The following TRABD variants were observed in gnomAD, a reference collection of about 807,000 sequenced individuals.
The protein encoded by TRABD is traB domain-containing protein.
In TRABD, 23 loss-of-function variants were observed where a neutral mutation model predicts 39.6. That is an observed-to-expected ratio of 0.58 (90% CI 0.42 to 0.82). The LOEUF is 0.82. Among genes scored for constraint, TRABD ranks in the 40% least tolerant of loss-of-function variants. The probability of loss-of-function intolerance (pLI) is 0.00; values close to 1 mark genes in which losing one functional copy is unlikely to be tolerated. For missense variants in TRABD, 487 were observed against 544.9 expected, an observed-to-expected ratio of 0.89 and a Z score of 1.06; for synonymous variants, 243 against 232.1, an observed-to-expected ratio of 1.05 and a Z score of -0.43.
chr22:50,197,150 G>C (rs1252716794), intron 5 of TRABD, 91 bp from the exon 6 acceptor site: 1 of 1,308,366 alleles, frequency 7.6e-7, no homozygotes, highest in South Asian at 1.3e-5. Flanking sequence ...AGGGCTCTGC[G>C]CTGGTGCTGC....
chr22:50,190,022 A>G (rs4838812), intron 1 of TRABD, among the ~76,000 whole-genome samples: 121,331 of 152,284 alleles, frequency 0.8, 49,173 homozygotes, highest in African/African-American at 0.94. Context: ...CTGGGAGCAG[A>G]CTAGAGGGAG....
At position 50,199,170 on chromosome 22, in the gene TRABD, G is replaced by T. The variant is rs774711956; in HGVS notation, c.*651G>T. On this transcript the variant is annotated 3_prime_UTR_variant, in exon 10 of 10. Coordinates refer to ENST00000380909, the MANE Select transcript of TRABD (RefSeq NM_001320485.2). ...CACCAGCCTTAAATCCAAAGGGAGA[G>T]AATTCGTGTTCTTGGGTCTGTCCCG... is the stretch of plus-strand genomic sequence containing the variant. The T allele has an allele frequency of 4.2e-6, 3 of 717,098 alleles. No homozygotes were observed. The African/African-American group carries it at 5.2e-5, about 13-fold the overall frequency. 44.4% of individuals were successfully genotyped at this position (717,098 alleles called of 1,614,324 possible). A position where few individuals can be genotyped will look rare whatever the true frequency, so the allele number is the denominator to read the frequency against.
At chr22:50,191,500 T>C (rs1273558434) in intron 1 of TRABD, among the ~76,000 whole-genome samples, 1 of 152,222 alleles carries the variant, frequency 6.6e-6, no homozygotes, top group Non-Finnish European at 1.5e-5. Context: ...ACATAGCGTC[T>C]TATTGCTCAT....
chr22:50,186,740 G>C (rs1241546044), intron 1 of TRABD, among the ~76,000 whole-genome samples: 2 of 152,238 alleles, frequency 1.3e-5, no homozygotes, highest in African/African-American at 2.4e-5. Flanking sequence ...CCTTCAATTG[G>C]AGCAGAGCGG....
intron 1 of TRABD, among the ~76,000 whole-genome samples, chr22:50,186,796 C>T (rs970448800): frequency 6.6e-6 from 1 of 152,238 alleles, no homozygotes; most frequent in African/African-American, 2.4e-5. Flanking sequence ...CCCCGCTGTG[C>T]GCAGCCCAAA....
chr22:50,197,765 C>CCCCCCCCCCGGGGGGGG, intron 7 of TRABD, 58 bp from the exon 8 acceptor site: 1 of 754,058 alleles, frequency 1.3e-6, no homozygotes, highest in Non-Finnish European at 2.2e-6. Context: ...ACAGTGCCAG[C>CCCCCCCCCCGGGGGGGG]CCCACCCCCC....
chr22:50,186,444 C>G (rs952866691), intron 1 of TRABD, among the ~76,000 whole-genome samples: 17 of 152,048 alleles, frequency 1.1e-4, no homozygotes, highest in African/African-American at 2.2e-4. Context: ...GCGGCGCTGC[C>G]GAGGAGCGGA....
At position 50,198,421 on chromosome 22, in the gene TRABD, A is replaced by G. The variant is rs1432122781; in HGVS notation, c.1033A>G (p.Ser345Gly). 18 of 1,597,618 alleles carry G rather than the reference A, an allele frequency of 1.1e-5. No individual in the cohort carries two copies. Among genetic ancestry groups the G allele is most frequent in the Non-Finnish European group, 1.4e-5 (17 of 1,177,500 alleles). ...CGCCTTCTTCGGCCTGCTGGGCTACAGCCTGTACTGGATGGGCCGCCGCAC... is the reference window on the plus strand; with the variant it reads ...CGCCTTCTTCGGCCTGCTGGGCTACGGCCTGTACTGGATGGGCCGCCGCAC... ...KAAFFGLLGY[S>G]LYWMGRRTAS... Residue 345 changes from serine to glycine, a missense_variant, in exon 10 of 10, where the codon AGC becomes GGC. By Grantham distance (56) the Ser-to-Gly change is moderately conservative. Transcript: ENST00000380909. This position sits in a 1 kb window ranked among gnomAD's most constrained non-coding sequence, Gnocchi z 7.9.
At position 50,197,553 on chromosome 22, in the gene TRABD, G is replaced by A. The variant is rs767283977; in HGVS notation, c.636G>A (p.Leu212=). ...AALSFWQKVR[L]AWGLCFLSDP... ...TCTCCTTCTGGCAGAAGGTCAGGCT[G>A]GCTTGGGGCCTGTGCTTCCTGTCAG... The change falls in exon 7 of 10, where the codon CTG becomes CTA. Residue 212 remains leucine (L), a synonymous_variant. Transcript: ENST00000380909. The A allele has an allele frequency of 1.2e-6, 2 of 1,613,472 alleles. No homozygotes were observed. Among genetic ancestry groups the A allele is most frequent in the Non-Finnish European group, 1.7e-6 (2 of 1,180,022 alleles).
At position 50,198,422 on chromosome 22, in the gene TRABD, G is replaced by C. The variant is rs985162555; in HGVS notation, c.1034G>C (p.Ser345Thr). ...KAAFFGLLGY[S>T]LYWMGRRTAS... Reference sequence around the variant, plus strand: ...GCCTTCTTCGGCCTGCTGGGCTACAGCCTGTACTGGATGGGCCGCCGCACC... The same window carrying C: ...GCCTTCTTCGGCCTGCTGGGCTACACCCTGTACTGGATGGGCCGCCGCACC... Residue 345 changes from serine to threonine, a missense_variant, in exon 10 of 10, where the codon AGC (serine) becomes ACC (threonine). Coordinates refer to ENST00000380909, the MANE Select transcript of TRABD (RefSeq NM_001320485.2). This position sits in a 1 kb window ranked among gnomAD's most constrained non-coding sequence, Gnocchi z 7.9. 1.3e-6 allele frequency: 2 copies of C among 1,597,332 alleles called. No homozygotes were observed. The highest frequency in any genetic ancestry group is 1.7e-6 in the Non-Finnish European group (2 of 1,177,472).
Position 50,197,493 on chromosome 22 carries a change from C to T in TRABD, c.576C>T (p.Pro192=). 1 of 1,613,872 alleles carries T rather than the reference C, an allele frequency of 6.2e-7. No homozygotes were observed. Among genetic ancestry groups the T allele is most frequent in the Non-Finnish European group, 8.5e-7 (1 of 1,180,020 alleles). The change falls in exon 7 of 10, where the codon CCC becomes CCT. Residue 192 remains proline, a synonymous_variant. Coordinates refer to ENST00000380909, the MANE Select transcript of TRABD (RefSeq NM_001320485.2). ...GCAAGTTCCACCTGGGTGACCGACC[C>T]ATCCCCGTCACCTTCAAGAGGGCCA... ...PFCKFHLGDR[P]IPVTFKRAIA...
chr22:50,187,371 A>G (rs738338), intron 1 of TRABD, among the ~76,000 whole-genome samples: 33,610 of 152,156 alleles, frequency 0.22, 3,717 homozygotes, highest in East Asian at 0.26. Flanking sequence ...CCTGTGGCCA[A>G]AGGTGCCAGG....
At position 50,194,207 on chromosome 22, in the gene TRABD, C is replaced by T. The variant is rs899776043; in HGVS notation, c.113-133C>T. 17 of 1,139,010 alleles carry T rather than the reference C, an allele frequency of 1.5e-5. No homozygotes were observed. The Admixed American group carries it at 2.4e-4, about 16-fold the overall frequency. 70.6% of individuals were successfully genotyped at this position (1,139,010 alleles called of 1,614,324 possible). On this transcript the variant is annotated intron_variant, in intron 3 of 9. Transcript: ENST00000380909. Reference sequence around the variant, plus strand: ...GGCAAAGCCTGTGGAGTGTGACGCTCGTCAGGAGTCTTGTGCTCTGCACCT... The same window carrying T: ...GGCAAAGCCTGTGGAGTGTGACGCTTGTCAGGAGTCTTGTGCTCTGCACCT...
chr22:50,197,346 A>G lies in TRABD; in HGVS notation c.526A>G (p.Lys176Glu), dbSNP rs1270515098. ...APGGEFREAFKEASKVPFCKF... is the reference protein window; with the variant it reads ...APGGEFREAFEEASKVPFCKF... ...AGGTGGCGAGTTCAGGGAGGCCTTC[A>G]AGGAGGTGGGCACAGGGTGAGGTAG... Residue 176 changes from lysine (K) to glutamate (E), a missense_variant, in exon 6 of 10, where the codon AAG becomes GAG. By Grantham distance (56) the Lys-to-Glu change is moderately conservative (BLOSUM62 1). Transcript: ENST00000380909. The G allele has an allele frequency of 6.2e-7, 1 of 1,613,820 alleles. No individual in the cohort carries two copies. The highest frequency in any genetic ancestry group is 1.1e-5 in the South Asian group (1 of 91,070).
chr22:50,197,084 A>G, intron 5 of TRABD, 157 bp from the exon 6 acceptor site: 1 of 667,826 alleles, frequency 1.5e-6, no homozygotes, highest in Admixed American at 2.7e-5. Context: ...TCTGCACGCT[A>G]GGGTGGTCCT....
At position 50,198,240 on chromosome 22, in the gene TRABD, C is replaced by G; in HGVS notation, c.956+54C>G. The G allele has an allele frequency of 6.5e-7, 1 of 1,546,712 alleles. No homozygotes were observed. Among genetic ancestry groups the G allele is most frequent in the Non-Finnish European group, 8.8e-7 (1 of 1,137,576 alleles). ...CACCCCACAAGCCCCCAGGTGGAGG[C>G]TGAGCGCCCTGGAGGCCAACCACAT... On this transcript the variant is annotated intron_variant, in intron 9 of 9. Coordinates refer to ENST00000380909, the MANE Select transcript of TRABD (RefSeq NM_001320485.2). This position sits in a 1 kb window ranked among gnomAD's most constrained non-coding sequence, Gnocchi z 7.9.
At chr22:50,189,618 G>T (rs1233268517) in intron 1 of TRABD, among the ~76,000 whole-genome samples, 1 of 152,264 alleles carries the variant, frequency 6.6e-6, no homozygotes, top group Non-Finnish European at 1.5e-5. Flanking sequence ...GGCAGCCAGG[G>T]TCTGCTGGTC....
chr22:50,186,788 C>G (rs758110854), intron 1 of TRABD, among the ~76,000 whole-genome samples: 116 of 152,258 alleles, frequency 7.6e-4, no homozygotes, highest in Non-Finnish European at 1.4e-3. Flanking sequence ...AGATCGTCCC[C>G]CGCTGTGCGC....
At chr22:50,196,949 C>T (rs2064133849) in intron 5 of TRABD, 2 of 371,150 alleles carry the variant, frequency 5.4e-6, no homozygotes, top group Non-Finnish European at 5.0e-6. Context: ...CCGCCTGCCT[C>T]AGCCTCCCAA....
Sources: allele counts gnomAD v4.1 joint callset (sites outside exome capture counted in the v4.1 genomes callset), GRCh38; gene constraint gnomAD v4.1.1; non-coding constraint Gnocchi (gnomAD v3.1); transcripts MANE v1.5; gene names NCBI Gene and HGNC (gene_info 2026-07-23, HGNC 2026-07-21).